RBFOX1: variants seen among roughly 807,000 people sequenced by gnomAD.
RBFOX1 encodes RNA binding fox-1 homolog 1.
A neutral mutation model predicts 57.7 loss-of-function variants in RBFOX1; 8 were observed. The ratio of observed to expected loss-of-function variants is 0.14; its 90% CI spans 0.08 to 0.25. The LOEUF is 0.25. Among genes scored for constraint, RBFOX1 ranks in the 10% least tolerant of loss-of-function variants. The probability of loss-of-function intolerance (pLI) is 1.00; values close to 1 mark genes in which losing one functional copy is unlikely to be tolerated. For synonymous variants in RBFOX1, 326 were observed against 222.4 expected, an observed-to-expected ratio of 1.47 and a Z score of -4.15; for missense variants, 611 against 548.5, an observed-to-expected ratio of 1.11 and a Z score of -1.14.
intron 1 of RBFOX1, among the ~76,000 whole-genome samples, chr16:5,273,608 G>C (rs1253707780): frequency 6.6e-6 from 1 of 152,112 alleles, no homozygotes; most frequent in Non-Finnish European, 1.5e-5. Context: ...GGTGAGAAGC[G>C]GGGGAGTGGT....
At chr16:6,852,434 T>A (rs1214837400) in intron 3 of RBFOX1, among the ~76,000 whole-genome samples, 1 of 152,190 alleles carries the variant, frequency 6.6e-6, no homozygotes, top group Non-Finnish European at 1.5e-5. Flanking sequence ...GTTTCAGGGA[T>A]TTTTGACCTG....
intron 3 of RBFOX1, among the ~76,000 whole-genome samples, chr16:6,719,008 G>A (rs1266880293): frequency 6.6e-6 from 1 of 151,888 alleles, no homozygotes; most frequent in African/African-American, 2.4e-5. Flanking sequence ...TGGGACTACA[G>A]GTGTATTTCA....
intron 1 of RBFOX1, among the ~76,000 whole-genome samples, chr16:6,212,789 C>T (rs2097307243): frequency 1.3e-5 from 2 of 151,988 alleles, no homozygotes; most frequent in East Asian, 1.9e-4. Context: ...TGAAGATTTC[C>T]ATAGATAAGA....
At chr16:6,487,617 G>C (rs1308169968) in intron 2 of RBFOX1, among the ~76,000 whole-genome samples, 2 of 136,370 alleles carry the variant, frequency 1.5e-5, no homozygotes, top group African/African-American at 5.7e-5. Context: ...TTCAAGAAAA[G>C]ATACAATTAT....
chr16:6,703,365 G>C (rs8053680), intron 3 of RBFOX1, among the ~76,000 whole-genome samples: 12,062 of 151,978 alleles, frequency 0.079, 636 homozygotes, highest in African/African-American at 0.16. Context: ...CTTGAGCCCA[G>C]GGGTTTGAGG....
At chr16:7,374,346 A>C (rs747975948) in intron 4 of RBFOX1, among the ~76,000 whole-genome samples, 1 of 152,196 alleles carries the variant, frequency 6.6e-6, no homozygotes, top group South Asian at 2.1e-4. Context: ...AACACTAAAT[A>C]AATATTCCTG....
At chr16:7,133,662 A>G (rs761326841) in intron 4 of RBFOX1, among the ~76,000 whole-genome samples, 2 of 152,200 alleles carry the variant, frequency 1.3e-5, no homozygotes, top group Non-Finnish European at 1.5e-5. Flanking sequence ...TATTGGTAGA[A>G]AGCAAAAGCA....
intron 1 of RBFOX1, among the ~76,000 whole-genome samples, chr16:5,446,391 A>G (rs1446109190): frequency 6.6e-6 from 1 of 152,176 alleles, no homozygotes; most frequent in Non-Finnish European, 1.5e-5. Flanking sequence ...AAACATGCTC[A>G]CTGGAAATGT....
chr16:7,355,260 C>G (rs1466212642), intron 4 of RBFOX1, among the ~76,000 whole-genome samples: 6 of 152,158 alleles, frequency 3.9e-5, no homozygotes, highest in Admixed American at 3.3e-4. Context: ...CATCCCAGGC[C>G]TCAGCCAGCA....
At chr16:5,495,771 C>G (rs1351278120) in intron 2 of RBFOX1, among the ~76,000 whole-genome samples, 1 of 152,224 alleles carries the variant, frequency 6.6e-6, no homozygotes, top group Non-Finnish European at 1.5e-5. Flanking sequence ...CAGCACAATT[C>G]TGAGAAATCT....
chr16:6,752,915 G>T (rs1447141371), intron 3 of RBFOX1, among the ~76,000 whole-genome samples: 2 of 151,564 alleles, frequency 1.3e-5, no homozygotes, highest in East Asian at 3.9e-4. Flanking sequence ...TCTTCCTGTT[G>T]GCAATATGTT....
intron 1 of RBFOX1, among the ~76,000 whole-genome samples, chr16:5,360,035 C>T (rs1314534616): frequency 6.6e-6 from 1 of 152,220 alleles, no homozygotes. Context: ...CTCTCATGAG[C>T]ATTTGCTTGT....
intron 2 of RBFOX1, among the ~76,000 whole-genome samples, chr16:6,619,213 C>A (rs191470196): frequency 1.3e-5 from 2 of 152,236 alleles, no homozygotes; most frequent in Admixed American, 1.3e-4. Context: ...CTGTCCCCCC[C>A]TTAAACAGTG....
chr16:5,768,720 G>T, intron 3 of RBFOX1, among the ~76,000 whole-genome samples: 1 of 152,320 alleles, frequency 6.6e-6, no homozygotes, highest in East Asian at 1.9e-4. Context: ...CGTAGGTGCT[G>T]TTGAAACAGG....
At chr16:7,612,044 G>T (rs868710041) in intron 10 of RBFOX1, among the ~76,000 whole-genome samples, 1 of 151,936 alleles carries the variant, frequency 6.6e-6, no homozygotes, top group African/African-American at 2.4e-5. Flanking sequence ...ATGATTTGCC[G>T]GGCGCGGTGG....
intron 3 of RBFOX1, among the ~76,000 whole-genome samples, chr16:6,655,220 A>G (rs576396394): frequency 4.0e-5 from 6 of 151,644 alleles, no homozygotes; most frequent in African/African-American, 1.4e-4. Context: ...CTAAAAATAG[A>G]AAAATTAGCC....
At chr16:6,674,384 C>T (rs1047361544) in intron 3 of RBFOX1, among the ~76,000 whole-genome samples, 12 of 151,516 alleles carry the variant, frequency 7.9e-5, no homozygotes, top group Admixed American at 2.0e-4. Context: ...TGCAATGGTG[C>T]GATCTCAGCT....
At chr16:6,043,794 T>C (rs1398170850) in intron 1 of RBFOX1, among the ~76,000 whole-genome samples, 1 of 152,120 alleles carries the variant, frequency 6.6e-6, no homozygotes, top group Non-Finnish European at 1.5e-5. Flanking sequence ...ATGGGGAGTT[T>C]TGGTGGGAGA....
intron 3 of RBFOX1, among the ~76,000 whole-genome samples, chr16:5,837,083 C>T (rs2056480746): frequency 6.6e-6 from 1 of 152,072 alleles, no homozygotes; most frequent in Admixed American, 6.6e-5. Context: ...TCTTAGGGGA[C>T]ACTCATTCAT....
Sources: allele counts gnomAD v4.1 joint callset (sites outside exome capture counted in the v4.1 genomes callset), GRCh38; gene constraint gnomAD v4.1.1; transcripts MANE v1.5; gene names NCBI Gene and HGNC (gene_info 2026-07-23, HGNC 2026-07-21).